The following MRTFA variants were observed in gnomAD, a reference collection of about 807,000 sequenced individuals.
The protein encoded by MRTFA is myocardin related transcription factor A, also known as myocardin-related transcription factor A.
Under a neutral mutation model 83.5 loss-of-function variants are expected in MRTFA, and 20 were observed. The observed-to-expected ratio is 0.24, with a 90% confidence interval of 0.17 to 0.35. The LOEUF (loss-of-function observed/expected upper bound fraction) is 0.35, where lower values mean the gene tolerates loss of function less well. Among genes scored for constraint, MRTFA ranks in the 10% least tolerant of loss-of-function variants. The pLI, the probability that MRTFA is intolerant of heterozygous loss-of-function variation, is 1.00. For synonymous variants in MRTFA, 659 were observed against 541.2 expected (o/e 1.22, Z -3.02); for missense variants, 1,200 against 1,224.7 (o/e 0.98, Z 0.30).
At chr22:40,454,937 G>A (rs551260618) in intron 4 of MRTFA, among the ~76,000 whole-genome samples, 1 of 152,254 alleles carries the variant, frequency 6.6e-6, no homozygotes, top group Admixed American at 6.5e-5. Context: ...AGTTGCTAAG[G>A]CCACAAGCAT....
chr22:40,626,054 A>T (rs1271709619), intron 1 of MRTFA, among the ~76,000 whole-genome samples: 1 of 150,312 alleles, frequency 6.7e-6, no homozygotes, highest in Non-Finnish European at 1.5e-5. Flanking sequence ...CATGATCTCA[A>T]CTCACTGCAA....
At chr22:40,423,358 A>T (rs1448487276) in intron 9 of MRTFA, among the ~76,000 whole-genome samples, 178 bp downstream of exon 9, 1 of 152,192 alleles carries the variant, frequency 6.6e-6, no homozygotes, top group East Asian at 1.9e-4. Flanking sequence ...ATTGGTGGCT[A>T]TGATTGCAAC....
chr22:40,555,349 G>A (rs1329536916), intron 2 of MRTFA, among the ~76,000 whole-genome samples: 1 of 152,086 alleles, frequency 6.6e-6, no homozygotes, highest in Non-Finnish European at 1.5e-5. Context: ...TGAGTCATGG[G>A]GGCAGATCCC....
intron 13 of MRTFA, 113 bp from the exon 14 acceptor site, chr22:40,417,159 G>A: frequency 7.2e-7 from 1 of 1,390,190 alleles, no homozygotes; most frequent in Non-Finnish European, 9.8e-7. Flanking sequence ...CAGATCCACA[G>A]GACCCATGGG....
At chr22:40,539,975 T>A (rs1329994995) in intron 3 of MRTFA, among the ~76,000 whole-genome samples, 1 of 148,710 alleles carries the variant, frequency 6.7e-6, no homozygotes, top group South Asian at 2.1e-4. Context: ...AGTGGAGTGA[T>A]CTCAGCTCAC....
chr22:40,494,735 T>C (rs1252108742), intron 3 of MRTFA, among the ~76,000 whole-genome samples: 1 of 151,752 alleles, frequency 6.6e-6, no homozygotes, highest in Non-Finnish European at 1.5e-5. Flanking sequence ...CTTCAGCAAT[T>C]TTTAAAAACC....
chr22:40,604,800 A>G (rs2056300340), intron 1 of MRTFA, among the ~76,000 whole-genome samples: 1 of 152,164 alleles, frequency 6.6e-6, no homozygotes, highest in African/African-American at 2.4e-5. Flanking sequence ...CTCACTGAAC[A>G]TACTATTCAG....
chr22:40,439,119 C>G (rs1476968575), intron 4 of MRTFA, among the ~76,000 whole-genome samples: 3 of 152,116 alleles, frequency 2.0e-5, no homozygotes, highest in Non-Finnish European at 2.9e-5. Flanking sequence ...TTTAAGTGTC[C>G]TGAATTGGAA....
chr22:40,601,557 G>T (rs927920019), intron 1 of MRTFA, among the ~76,000 whole-genome samples: 1 of 152,054 alleles, frequency 6.6e-6, no homozygotes, highest in African/African-American at 2.4e-5. Context: ...TATAGTAGCT[G>T]ACAAAACACA....
intron 3 of MRTFA, among the ~76,000 whole-genome samples, chr22:40,543,959 C>T (rs144911084): frequency 1.4e-4 from 21 of 152,302 alleles, no homozygotes; most frequent in Admixed American, 8.5e-4. Context: ...GTAATTAAAA[C>T]TGTGAGGGCA....
At chr22:40,506,801 A>G (rs1431303176) in intron 3 of MRTFA, among the ~76,000 whole-genome samples, 5 of 152,242 alleles carry the variant, frequency 3.3e-5, no homozygotes, top group Admixed American at 3.3e-4. Context: ...GAGTTTAAAA[A>G]TATAGTAGCA....
intron 4 of MRTFA, among the ~76,000 whole-genome samples, chr22:40,448,004 C>T (rs967732282): frequency 2.0e-5 from 3 of 152,064 alleles, no homozygotes; most frequent in Admixed American, 6.6e-5. Context: ...CTAGCGAGAC[C>T]CCATCTCTAC....
intron 4 of MRTFA, among the ~76,000 whole-genome samples, chr22:40,449,073 G>A (rs949047067): frequency 2.0e-5 from 3 of 152,052 alleles, no homozygotes; most frequent in Admixed American, 6.6e-5. Context: ...AGACCATCCC[G>A]GCTAAAATAG....
intron 4 of MRTFA, among the ~76,000 whole-genome samples, chr22:40,457,359 G>A (rs936982312): frequency 1.3e-5 from 2 of 151,134 alleles, no homozygotes; most frequent in African/African-American, 4.9e-5. Flanking sequence ...GAGCAAGTGA[G>A]ATTTTGTCAA....
intron 3 of MRTFA, chr22:40,519,445 T>C (rs1569308522): frequency 7.5e-7 from 1 of 1,335,034 alleles, no homozygotes; most frequent in South Asian, 1.2e-5. Context: ...GAAGGCGATG[T>C]TGTTTTAGCG....
At chr22:40,558,090 C>T (rs73169028) in intron 2 of MRTFA, among the ~76,000 whole-genome samples, 13,970 of 144,528 alleles carry the variant, frequency 0.097, 786 homozygotes, top group East Asian at 0.25. Context: ...TTCTTTCTTT[C>T]TTTTTTTTTT....
chr22:40,571,161 G>A (rs2055787407), intron 2 of MRTFA, among the ~76,000 whole-genome samples: 1 of 151,244 alleles, frequency 6.6e-6, no homozygotes, highest in Non-Finnish European at 1.5e-5. Context: ...AGTAAGCCTT[G>A]ATTGTGCCAC....
chr22:40,418,383 G>A lies in MRTFA; in HGVS notation c.2355C>T (p.Ser785=). 4 of 1,613,550 alleles carry A rather than the reference G, an allele frequency of 2.5e-6. No individual in the cohort carries two copies. The highest frequency in any genetic ancestry group is 1.7e-4 in the Middle Eastern group (1 of 6,056). Residue 785 remains serine (S), a synonymous_variant, in exon 12 of 15, where the codon AGC becomes AGT. Coordinates refer to ENST00000355630, the MANE Select transcript of MRTFA (RefSeq NM_020831.6). ...TCCCATACCCAGGTACCTGCTGGGG[G>A]CTCCCACTGGACAGGCCAGGGCTGT...
chr22:40,629,139 A>T lies in MRTFA; in HGVS notation c.-84+7339T>A, dbSNP rs529506588. Among the ~76,000 whole-genome samples the T allele has an allele frequency of 3.9e-5, 6 of 151,906 alleles. No homozygotes were observed. The South Asian group carries it at 8.3e-4, about 21-fold the overall frequency. The stretch of plus-strand genomic sequence containing the variant: ...CTCTCTTCTCTTCTCTACAAAAAAA[A>T]TTTTTTAAATTAGCCAAGCAGAGGC... On this transcript the variant is annotated intron_variant, in intron 1 of 14. Coordinates refer to ENST00000355630, the MANE Select transcript of MRTFA (RefSeq NM_020831.6).
Sources: gnomAD v4.1 joint callset for allele counts (sites outside exome capture counted in the v4.1 genomes callset) on GRCh38, gnomAD v4.1.1 for gene constraint, MANE v1.5 for transcripts, NCBI Gene and HGNC (gene_info 2026-07-23, HGNC 2026-07-21) for gene names.